Variants in NCKAP1 observed in about 807,000 individuals in gnomAD.
NCKAP1 encodes NCK associated protein 1.
A neutral mutation model predicts 151.2 loss-of-function variants in NCKAP1; 21 were observed. The observed-to-expected ratio is 0.14, with a 90% CI of 0.10 to 0.20. The LOEUF (loss-of-function observed/expected upper bound fraction) is 0.20, where lower values mean the gene tolerates loss of function less well. NCKAP1 is among the 10% of genes least tolerant of loss of function. The pLI, the probability that NCKAP1 is intolerant of heterozygous loss-of-function variation, is 1.00. For missense variants in NCKAP1, 933 were observed against 1,352.1 expected (o/e 0.69, Z 4.86); for synonymous variants, 484 against 451.8 (o/e 1.07, Z -0.90).
chr2:182,999,765 C>T (rs1698343027), intron 6 of NCKAP1, among the ~76,000 whole-genome samples: 1 of 152,148 alleles, frequency 6.6e-6, no homozygotes, highest in Admixed American at 6.5e-5. Flanking sequence ...TGCCCATCAA[C>T]ACTGGACTGG....
intron 1 of NCKAP1, among the ~76,000 whole-genome samples, chr2:183,034,041 G>A (rs1437660304): frequency 6.6e-6 from 1 of 152,078 alleles, no homozygotes; most frequent in Non-Finnish European, 1.5e-5. Flanking sequence ...TCTGGAACAC[G>A]CTTCTGCATC....
rs1167201835 is a variant in NCKAP1, at chr2:182,923,547, GGCGTGTGCCACTA to G, written c.*2142_*2154del. On this transcript the variant is annotated 3_prime_UTR_variant, in exon 31 of 31. Coordinates refer to ENST00000361354, the MANE Select transcript of NCKAP1 (RefSeq NM_013436.5). ...CTTGGCCTCCCAAAGTGCTGAAATAGGCGTGTGCCACTACGCCTGGCCATGAAATTGTTAAATT... is the reference window on the plus strand; with the variant it reads ...CTTGGCCTCCCAAAGTGCTGAAATAGCGCCTGGCCATGAAATTGTTAAATT... 1.3e-5 allele frequency: 2 copies of G among 152,120 alleles called. No individual in the cohort carries two copies. Among genetic ancestry groups the G allele is most frequent in the Non-Finnish European group, 2.9e-5 (2 of 68,014 alleles). 9.4% of individuals were successfully genotyped at this position (152,120 alleles called of 1,614,324 possible). A position where few individuals can be genotyped will look rare whatever the true frequency, so the allele number is the denominator to read the frequency against.
chr2:183,015,363 G>A (rs908727105), intron 2 of NCKAP1, among the ~76,000 whole-genome samples: 3 of 151,910 alleles, frequency 2.0e-5, no homozygotes, highest in Non-Finnish European at 4.4e-5. Flanking sequence ...GTGGAAAAGC[G>A]CAGGTAAAAT....
At chr2:182,962,307 C>G (rs1039547630) in intron 17 of NCKAP1, 29 bp from the exon 18 acceptor site, 1 of 1,554,960 alleles carries the variant, frequency 6.4e-7, no homozygotes. Context: ...AATAATAATA[C>G]AAGTTATAAA....
At chr2:182,991,179 A>C (rs1698163752) in intron 8 of NCKAP1, among the ~76,000 whole-genome samples, 1 of 152,222 alleles carries the variant, frequency 6.6e-6, no homozygotes, top group African/African-American at 2.4e-5. Context: ...TTACAAGTTA[A>C]AAGTGTTTGT....
intron 26 of NCKAP1, among the ~76,000 whole-genome samples, chr2:182,931,552 G>A (rs1476919690): frequency 1.3e-5 from 2 of 151,990 alleles, no homozygotes; most frequent in Non-Finnish European, 2.9e-5. Context: ...AAATGTAAGA[G>A]CTAAAACTGT....
intron 8 of NCKAP1, among the ~76,000 whole-genome samples, chr2:182,994,443 G>A (rs1698226959): frequency 6.6e-6 from 1 of 151,928 alleles, no homozygotes; most frequent in Non-Finnish European, 1.5e-5. Flanking sequence ...TTCGAGACCA[G>A]CCTGACCAAT....
At chr2:182,953,463 C>G (rs1697259645) in intron 20 of NCKAP1, 132 bp from the exon 21 acceptor site, 1 of 628,990 alleles carries the variant, frequency 1.6e-6, no homozygotes, top group Admixed American at 3.5e-5. Flanking sequence ...TATTACAAAG[C>G]TGTAAAATTA....
chr2:183,037,554 G>C (rs747492048), intron 1 of NCKAP1, among the ~76,000 whole-genome samples: 1 of 152,208 alleles, frequency 6.6e-6, no homozygotes. Context: ...TGGGGATGTG[G>C]GGTGTAATCC....
intron 16 of NCKAP1, among the ~76,000 whole-genome samples, chr2:182,966,608 T>C (rs1180523739): frequency 1.3e-5 from 2 of 152,084 alleles, no homozygotes; most frequent in African/African-American, 4.8e-5. Flanking sequence ...ATCAATCTGA[T>C]CACAACTAAG....
chr2:182,962,204 A>T lies in NCKAP1; in HGVS notation c.1836T>A (p.Asn612Lys). 2 of 1,613,162 alleles carry T rather than the reference A, an allele frequency of 1.2e-6. No individual in the cohort carries two copies. Among genetic ancestry groups the T allele is most frequent in the Non-Finnish European group, 1.7e-6 (2 of 1,179,390 alleles). ...GTTCTGTGCAAATATCAGTGATGAG[A>T]TTTCGAGCTTGTTTGGCCATTTCAT... ...FLDEMAKQAR[N>K]LITDICTEQC... Residue 612 changes from asparagine (N) to lysine (K), a missense_variant, in exon 18 of 31, where the codon AAT becomes AAA. This residue lies in a region of NCKAP1 where 607 missense variants were observed against 795.0 expected (regional missense o/e 0.76). Transcript: ENST00000361354.
At chr2:182,994,384 TC>T (rs1466915142) in intron 8 of NCKAP1, among the ~76,000 whole-genome samples, 1 of 151,996 alleles carries the variant, frequency 6.6e-6, no homozygotes, top group African/African-American at 2.4e-5. Flanking sequence ...ACACCGATAA[TC>T]CCAGCACTGT....
intron 2 of NCKAP1, among the ~76,000 whole-genome samples, 161 bp downstream of exon 2, chr2:183,023,645 C>G (rs1214764500): frequency 6.6e-6 from 1 of 151,772 alleles, no homozygotes; most frequent in South Asian, 2.1e-4. Context: ...TTTCCGGTCT[C>G]GGACATAAGA....
chr2:182,931,019 C>T (rs1696752423), intron 26 of NCKAP1, among the ~76,000 whole-genome samples: 1 of 152,096 alleles, frequency 6.6e-6, no homozygotes, highest in Admixed American at 6.6e-5. Flanking sequence ...AACTTGTATA[C>T]TTTCTGTGGC....
At chr2:183,020,876 T>C (rs1698785841) in intron 2 of NCKAP1, among the ~76,000 whole-genome samples, 1 of 152,050 alleles carries the variant, frequency 6.6e-6, no homozygotes, top group Non-Finnish European at 1.5e-5. Context: ...TAGGAACTTC[T>C]CACCAAAATT....
At chr2:183,015,450 TAGAAGAC>T (rs1320745397) in intron 2 of NCKAP1, among the ~76,000 whole-genome samples, 1 of 151,324 alleles carries the variant, frequency 6.6e-6, no homozygotes, top group Admixed American at 6.6e-5. Context: ...AGATTGATGT[TAGAAGAC>T]AGAAGGTTAG....
intron 1 of NCKAP1, among the ~76,000 whole-genome samples, chr2:183,034,763 G>A (rs1213547768): frequency 1.3e-5 from 2 of 152,064 alleles, no homozygotes; most frequent in African/African-American, 4.8e-5. Context: ...ACTAAACTGA[G>A]TTCAGTTATT....
intron 10 of NCKAP1, among the ~76,000 whole-genome samples, chr2:182,984,325 T>TATTAACA (rs1218466949): frequency 6.6e-6 from 1 of 151,874 alleles, no homozygotes; most frequent in South Asian, 2.1e-4. Flanking sequence ...CATTCTCACA[T>TATTAACA]ATTAACAGAA....
At chr2:182,943,696 C>T (rs6720804) in intron 23 of NCKAP1, among the ~76,000 whole-genome samples, 143,050 of 152,152 alleles carry the variant, frequency 0.94, 67,414 homozygotes, top group East Asian at 0.99. Flanking sequence ...TTCAGAAATA[C>T]TGATATATGT....
Sources: gnomAD v4.1 joint callset for allele counts (sites outside exome capture counted in the v4.1 genomes callset) on GRCh38, gnomAD v4.1.1 for gene constraint, gnomAD v4.1.1 regional missense constraint, MANE v1.5 for transcripts, NCBI Gene and HGNC (gene_info 2026-07-23, HGNC 2026-07-21) for gene names.